SIPA1L3: variants seen among roughly 807,000 people sequenced by gnomAD.
SIPA1L3 encodes signal-induced proliferation-associated 1-like protein 3.
In SIPA1L3, 59 loss-of-function variants were observed where a neutral mutation model predicts 150.1. The observed-to-expected ratio is 0.39, with a 90% CI of 0.32 to 0.49. The LOEUF (loss-of-function observed/expected upper bound fraction) is 0.49, where lower values mean the gene tolerates loss of function less well. SIPA1L3 is among the 20% of genes least tolerant of loss of function. SIPA1L3 has a pLI of 0.86. For missense variants in SIPA1L3, 2,211 were observed against 2,489.5 expected (o/e 0.89, Z 2.38); for synonymous variants, 1,070 against 1,077.6 (o/e 0.99, Z 0.14).
At chr19:37,908,170 A>AG (rs2046350720) in intron 1 of SIPA1L3, among the ~76,000 whole-genome samples, 1 of 152,272 alleles carries the variant, frequency 6.6e-6, no homozygotes, top group South Asian at 2.1e-4. Flanking sequence ...AGACCCTCTG[A>AG]GGGTGGGGCT....
intron 9 of SIPA1L3, among the ~76,000 whole-genome samples, chr19:38,128,440 ATGCTTACTTCT>A (rs1477058515): frequency 6.6e-6 from 1 of 152,176 alleles, no homozygotes; most frequent in African/African-American, 2.4e-5. Flanking sequence ...TACCATCCAA[ATGCTTACTTCT>A]TGCTATCCAC....
At chr19:38,099,091 A>G (rs4803757) in intron 4 of SIPA1L3, among the ~76,000 whole-genome samples, 73,372 of 151,534 alleles carry the variant, frequency 0.48, 18,204 homozygotes, top group East Asian at 0.75. Context: ...ACTGGAGTGC[A>G]GTGGCGCGAT....
chr19:38,060,799 C>T (rs907594722), intron 2 of SIPA1L3, among the ~76,000 whole-genome samples: 52 of 152,296 alleles, frequency 3.4e-4, no homozygotes, highest in African/African-American at 1.2e-3. Context: ...TCAAGTGATT[C>T]TCCTGCCTCA....
chr19:38,071,695 C>T (rs1969727540), intron 2 of SIPA1L3, among the ~76,000 whole-genome samples: 1 of 152,134 alleles, frequency 6.6e-6, no homozygotes, highest in Non-Finnish European at 1.5e-5. Flanking sequence ...CAGCAGGGTC[C>T]CAGGTAAGGG....
chr19:37,937,355 A>G (rs1396807173), intron 1 of SIPA1L3, among the ~76,000 whole-genome samples: 1 of 152,122 alleles, frequency 6.6e-6, no homozygotes, highest in Non-Finnish European at 1.5e-5. Flanking sequence ...GGTACTTCCC[A>G]TTCACTTTCC....
At chr19:38,124,880 C>T (rs1971135031) in intron 9 of SIPA1L3, among the ~76,000 whole-genome samples, 1 of 152,272 alleles carries the variant, frequency 6.6e-6, no homozygotes, top group Middle Eastern at 3.4e-3. Flanking sequence ...CGCGCGCCTG[C>T]AATCGCAGGC....
chr19:38,035,416 G>A (rs1359997482), intron 2 of SIPA1L3, among the ~76,000 whole-genome samples: 1 of 152,148 alleles, frequency 6.6e-6, no homozygotes, highest in East Asian at 1.9e-4. Context: ...GTTCTAATAG[G>A]GGAAGCCACG....
At chr19:37,913,289 C>T (rs1236002042) in intron 1 of SIPA1L3, among the ~76,000 whole-genome samples, 2 of 152,026 alleles carry the variant, frequency 1.3e-5, no homozygotes, top group Non-Finnish European at 2.9e-5. Context: ...CTGCTGTGAG[C>T]CAGGGTCCTA....
intron 1 of SIPA1L3, among the ~76,000 whole-genome samples, chr19:37,995,040 G>A (rs1967601383): frequency 6.6e-6 from 1 of 152,226 alleles, no homozygotes; most frequent in Admixed American, 6.5e-5. Context: ...CAGATCCTCA[G>A]ACACGGCATC....
chr19:37,919,792 C>G (rs2046443032), intron 1 of SIPA1L3, among the ~76,000 whole-genome samples: 1 of 142,388 alleles, frequency 7.0e-6, no homozygotes, highest in South Asian at 2.3e-4. Flanking sequence ...CTCACCGCAA[C>G]CTCTGCCTCC....
At chr19:38,130,842 G>A in intron 10 of SIPA1L3, 70 bp downstream of exon 10, 1 of 1,508,758 alleles carries the variant, frequency 6.6e-7, no homozygotes, top group Non-Finnish European at 9.0e-7. Context: ...GGCCTCCCTG[G>A]CACTGTCACT....
chr19:38,006,937 G>A (rs1167720008), intron 1 of SIPA1L3, among the ~76,000 whole-genome samples: 1 of 152,248 alleles, frequency 6.6e-6, no homozygotes, highest in African/African-American at 2.4e-5. Context: ...AATCAGTCGG[G>A]TTTGTCTGTG....
At chr19:37,931,969 T>A (rs1357035761) in intron 1 of SIPA1L3, among the ~76,000 whole-genome samples, 1 of 152,202 alleles carries the variant, frequency 6.6e-6, no homozygotes, top group African/African-American at 2.4e-5. Context: ...TATGTAGCAC[T>A]TAGAACAGCG....
At chr19:38,024,827 TGTTA>T (rs1487892186) in intron 1 of SIPA1L3, among the ~76,000 whole-genome samples, 1 of 152,140 alleles carries the variant, frequency 6.6e-6, no homozygotes. Context: ...CTTCCTGTGC[TGTTA>T]GTTTGTTGTA....
At chr19:38,063,380 T>C (rs1969498410) in intron 2 of SIPA1L3, among the ~76,000 whole-genome samples, 1 of 151,978 alleles carries the variant, frequency 6.6e-6, no homozygotes, top group African/African-American at 2.4e-5. Flanking sequence ...CCTAGAGCCA[T>C]CCTCAGGTTA....
chr19:37,928,941 TC>T (rs2046529591), intron 1 of SIPA1L3, among the ~76,000 whole-genome samples: 1 of 152,184 alleles, frequency 6.6e-6, no homozygotes. Context: ...GTCTCCTGTG[TC>T]CCTAGGCTCC....
intron 1 of SIPA1L3, among the ~76,000 whole-genome samples, chr19:37,940,749 T>C (rs2046646973): frequency 6.6e-6 from 1 of 151,534 alleles, no homozygotes; most frequent in African/African-American, 2.4e-5. Flanking sequence ...CCAGCTAATT[T>C]TTTTGTATTT....
chr19:37,952,422 T>G (rs2046772972), intron 1 of SIPA1L3, among the ~76,000 whole-genome samples: 1 of 152,034 alleles, frequency 6.6e-6, no homozygotes, highest in Admixed American at 6.6e-5. Flanking sequence ...CCTGTAATCC[T>G]AGCACTTTGG....
At position 38,171,242 on chromosome 19, in the gene SIPA1L3, C is replaced by G. The variant is rs541758675; in HGVS notation, c.4208+6336C>G. ...GCCACTGAACACAGGCCCTTGGGCT[C>G]AAGTATAGAAATTGTGGCTGGGCAC... On this transcript the variant is annotated intron_variant, in intron 15 of 21. Transcript: ENST00000222345. Among the ~76,000 whole-genome samples, 5 of 152,030 alleles carry G rather than the reference C, an allele frequency of 3.3e-5. No individual in the cohort carries two copies. In the South Asian group the frequency reaches 1.0e-3, roughly 32 times the overall value.
Sources: allele counts gnomAD v4.1 joint callset (sites outside exome capture counted in the v4.1 genomes callset), GRCh38; gene constraint gnomAD v4.1.1; transcripts MANE v1.5; gene names NCBI Gene and HGNC (gene_info 2026-07-23, HGNC 2026-07-21).